The following ZNF654 variants were observed in gnomAD, a reference collection of about 807,000 sequenced individuals.
ZNF654 encodes the protein zinc finger protein 654, also known as melanoma-associated antigen.
A neutral mutation model predicts 95.3 loss-of-function variants in ZNF654; 19 were observed. That is an observed-to-expected ratio of 0.20 (90% CI 0.14 to 0.29). The LOEUF (loss-of-function observed/expected upper bound fraction) is 0.29. Ranked by LOEUF, ZNF654 falls within the 10% of genes least tolerant of loss-of-function variation. The probability of loss-of-function intolerance (pLI) is 1.00; values close to 1 mark genes in which losing one functional copy is unlikely to be tolerated. For missense variants in ZNF654, 1,046 were observed against 1,341.0 expected, an observed-to-expected ratio of 0.78 and a Z score of 3.44; for synonymous variants, 413 against 457.9, an observed-to-expected ratio of 0.90 and a Z score of 1.25.
intron 2 of ZNF654, among the ~76,000 whole-genome samples, chr3:88,106,816 T>C (rs1421778954): frequency 6.6e-6 from 1 of 152,196 alleles, no homozygotes; most frequent in Non-Finnish European, 1.5e-5. Flanking sequence ...GATTTTTTTT[T>C]CTGATATTTG....
chr3:88,063,617 T>A (rs781688517), intron 1 of ZNF654, among the ~76,000 whole-genome samples: 1 of 152,206 alleles, frequency 6.6e-6, no homozygotes, highest in African/African-American at 2.4e-5. Flanking sequence ...GGATTATTTT[T>A]AATTTATCTT....
At chr3:88,126,493 A>C (rs1348210333) in intron 4 of ZNF654, among the ~76,000 whole-genome samples, 1 of 152,010 alleles carries the variant, frequency 6.6e-6, no homozygotes, top group Admixed American at 6.6e-5. Flanking sequence ...CTCAGTGGTA[A>C]CACATCTACT....
chr3:88,097,703 G>A (rs1000690018), intron 2 of ZNF654, among the ~76,000 whole-genome samples: 14 of 152,192 alleles, frequency 9.2e-5, no homozygotes, highest in African/African-American at 3.4e-4. Context: ...CAACTACATG[G>A]GAACTGAACA....
chr3:88,067,596 A>G (rs1172421448), intron 1 of ZNF654, among the ~76,000 whole-genome samples: 2 of 152,364 alleles, frequency 1.3e-5, no homozygotes, highest in East Asian at 3.9e-4. Flanking sequence ...TCAGAAACCC[A>G]GAGAACTGTG....
chr3:88,096,982 C>G (rs1576266928), intron 2 of ZNF654, among the ~76,000 whole-genome samples: 1 of 152,094 alleles, frequency 6.6e-6, no homozygotes, highest in East Asian at 1.9e-4. Context: ...ATACCTTTCC[C>G]CATCAGCATA....
At chr3:88,128,227 T>G (rs9878359) in intron 4 of ZNF654, among the ~76,000 whole-genome samples, 2,363 of 152,232 alleles carry the variant, frequency 0.016, 24 homozygotes, top group Non-Finnish European at 0.024. Flanking sequence ...AAAGTATTAA[T>G]TAGTAATTAT....
At chr3:88,074,344 CTT>C (rs60776911) in intron 1 of ZNF654, among the ~76,000 whole-genome samples, 1 of 137,616 alleles carries the variant, frequency 7.3e-6, no homozygotes, top group Non-Finnish European at 1.5e-5. Flanking sequence ...TTATATCTTA[CTT>C]TTTTTTTTTT....
intron 2 of ZNF654, among the ~76,000 whole-genome samples, chr3:88,111,539 G>A (rs555889590): frequency 1.2e-4 from 18 of 151,682 alleles, no homozygotes; most frequent in East Asian, 1.2e-3. Context: ...CTAATGTTCC[G>A]TTAATATTTG....
At chr3:88,105,752 T>C (rs1388238321) in intron 2 of ZNF654, among the ~76,000 whole-genome samples, 2 of 152,222 alleles carry the variant, frequency 1.3e-5, no homozygotes, top group East Asian at 3.8e-4. Flanking sequence ...TTTTAATTTG[T>C]ATTTTTCTTC....
intron 2 of ZNF654, chr3:88,095,623 T>G (rs1306314187): frequency 4.3e-5 from 22 of 515,170 alleles, no homozygotes; most frequent in Non-Finnish European, 7.8e-6. Flanking sequence ...GGTTCTAGTC[T>G]TATCTCGAAG....
At chr3:88,126,705 A>T (rs1339839277) in intron 4 of ZNF654, among the ~76,000 whole-genome samples, 1 of 150,368 alleles carries the variant, frequency 6.7e-6, no homozygotes, top group Non-Finnish European at 1.5e-5. Context: ...TGTCACTACT[A>T]CTGCATATCC....
chr3:88,143,218 T>G lies in ZNF654; in HGVS notation c.*1566T>G, dbSNP rs1193367512. Reference sequence around the variant, plus strand: ...ATTAGGATTTCCAGATCATGATAGATCAGATGATTTTTTTTTAATTTCCCG... The same window carrying G: ...ATTAGGATTTCCAGATCATGATAGAGCAGATGATTTTTTTTTAATTTCCCG... On this transcript the variant is annotated 3_prime_UTR_variant, in exon 9 of 9. Coordinates refer to ENST00000636215, the MANE Select transcript of ZNF654 (RefSeq NM_001350134.2). The G allele has an allele frequency of 6.6e-6, 1 of 152,166 alleles. No homozygotes were observed. Among genetic ancestry groups the G allele is most frequent in the Non-Finnish European group, 1.5e-5 (1 of 67,732 alleles). The allele number at this position is 152,166 out of a possible 1,614,324, so 9.4% of individuals were successfully genotyped here.
intron 2 of ZNF654, among the ~76,000 whole-genome samples, chr3:88,102,169 G>A (rs777496084): frequency 2.0e-5 from 3 of 152,050 alleles, no homozygotes; most frequent in Non-Finnish European, 4.4e-5. Flanking sequence ...AATGTGTTTT[G>A]TGTAGTTTTC....
chr3:88,088,750 A>T (rs1559701560), intron 2 of ZNF654, among the ~76,000 whole-genome samples: 1 of 126,696 alleles, frequency 7.9e-6, no homozygotes, highest in East Asian at 2.4e-4. Flanking sequence ...TTATTTATGT[A>T]TGTATGTATG....
At chr3:88,135,658 G>A (rs1706733439) in intron 7 of ZNF654, among the ~76,000 whole-genome samples, 1 of 152,048 alleles carries the variant, frequency 6.6e-6, no homozygotes. Context: ...TTGTTTATTT[G>A]AAGTAATTGT....
chr3:88,091,196 G>T (rs1231427290), intron 2 of ZNF654, among the ~76,000 whole-genome samples: 6 of 152,144 alleles, frequency 3.9e-5, no homozygotes, highest in Non-Finnish European at 5.9e-5. Flanking sequence ...CTGTCGTTAA[G>T]CAACATAATG....
intron 1 of ZNF654, among the ~76,000 whole-genome samples, chr3:88,076,616 C>G (rs1440756771): frequency 6.6e-6 from 1 of 152,008 alleles, no homozygotes; most frequent in Non-Finnish European, 1.5e-5. Flanking sequence ...TTCTTGAAAC[C>G]GAGCATACCT....
intron 2 of ZNF654, among the ~76,000 whole-genome samples, chr3:88,099,646 G>A (rs890303138): frequency 7.1e-4 from 108 of 152,126 alleles, no homozygotes; most frequent in African/African-American, 2.5e-3. Flanking sequence ...AATGGAACAG[G>A]ACAGAGCCCT....
At chr3:88,111,079 G>A (rs1705063274) in intron 2 of ZNF654, among the ~76,000 whole-genome samples, 1 of 151,964 alleles carries the variant, frequency 6.6e-6, no homozygotes, top group African/African-American at 2.4e-5. Context: ...GATAATAACT[G>A]CTGTGTTGAA....
Sources: allele counts gnomAD v4.1 joint callset (sites outside exome capture counted in the v4.1 genomes callset), GRCh38; gene constraint gnomAD v4.1.1; transcripts MANE v1.5; gene names NCBI Gene and HGNC (gene_info 2026-07-23, HGNC 2026-07-21).